The following GPC6 variants were observed in gnomAD, a reference collection of about 807,000 sequenced individuals.
GPC6 encodes the protein glypican-6.
A neutral mutation model predicts 55.2 loss-of-function variants in GPC6; 14 were observed. The ratio of observed to expected loss-of-function variants is 0.25; its 90% CI spans 0.17 to 0.40. The LOEUF (loss-of-function observed/expected upper bound fraction) is 0.40, where lower values mean the gene tolerates loss of function less well. Among genes scored for constraint, GPC6 ranks in the 10% least tolerant of loss-of-function variants. GPC6 has a pLI of 1.00. For synonymous variants in GPC6, 278 were observed against 259.6 expected (o/e 1.07, Z -0.68); for missense variants, 641 against 708.5 (o/e 0.90, Z 1.08).
intron 4 of GPC6, among the ~76,000 whole-genome samples, chr13:94,253,886 T>C (rs1891429928): frequency 6.6e-6 from 1 of 152,162 alleles, no homozygotes; most frequent in South Asian, 2.1e-4. Flanking sequence ...ATTAGATTGA[T>C]GTATGTACAT....
intron 3 of GPC6, among the ~76,000 whole-genome samples, chr13:93,840,711 A>G (rs1279004536): frequency 6.6e-6 from 1 of 152,054 alleles, no homozygotes; most frequent in African/African-American, 2.4e-5. Context: ...CTGTTTGCCT[A>G]TCCCCCTCAA....
At chr13:94,086,761 G>A (rs1018042192) in intron 4 of GPC6, among the ~76,000 whole-genome samples, 1 of 151,932 alleles carries the variant, frequency 6.6e-6, no homozygotes, top group Non-Finnish European at 1.5e-5. Context: ...AACACCACTA[G>A]AAAACCAAAA....
At chr13:94,019,820 C>T (rs1882629014) in intron 3 of GPC6, among the ~76,000 whole-genome samples, 1 of 152,176 alleles carries the variant, frequency 6.6e-6, no homozygotes, top group Non-Finnish European at 1.5e-5. Flanking sequence ...CTGTTCATAG[C>T]ATTTTTATAT....
At chr13:94,392,723 CTTGGTCAGGCTGGTCTCGAACT>C (rs1566752873) in intron 7 of GPC6, among the ~76,000 whole-genome samples, 14 of 29,974 alleles carry the variant, frequency 4.7e-4, no homozygotes, top group Non-Finnish European at 6.6e-4. Context: ...GATCCACCCT[CTTGGTCAGGCTGGTCTCGAACT>C]CTCGACCTCA....
In GPC6 at chr13:94,069,656, C is replaced by T. The variant is rs148472786; in HGVS notation, c.877+41762C>T. Reference sequence around the variant, plus strand: ...GCTTAGATATTTCTTCTGCCAGATACGCTAAGTCTTCTCTCTCAAGTTCAA... The same window carrying T: ...GCTTAGATATTTCTTCTGCCAGATATGCTAAGTCTTCTCTCTCAAGTTCAA... On this transcript the variant is annotated intron_variant, in intron 4 of 8. Transcript: ENST00000377047. 3.9e-4 allele frequency among the ~76,000 whole-genome samples: 59 copies of T among 152,252 alleles called. No individual in the cohort carries two copies. The East Asian group carries it at 6.6e-3, about 17-fold the overall frequency.
intron 4 of GPC6, among the ~76,000 whole-genome samples, chr13:94,249,565 C>T (rs886076775): frequency 6.6e-6 from 1 of 152,082 alleles, no homozygotes; most frequent in African/African-American, 2.4e-5. Flanking sequence ...CACAAAACCC[C>T]TCTGAAAAGA....
intron 3 of GPC6, among the ~76,000 whole-genome samples, chr13:93,898,146 C>T (rs939670662): frequency 7.9e-5 from 12 of 152,104 alleles, no homozygotes; most frequent in African/African-American, 2.9e-4. Context: ...AGATTAGTGA[C>T]TGGCTTATTG....
At chr13:94,260,690 C>A (rs1056758689) in intron 4 of GPC6, among the ~76,000 whole-genome samples, 1 of 152,016 alleles carries the variant, frequency 6.6e-6, no homozygotes, top group Admixed American at 6.6e-5. Flanking sequence ...AGAAAAGAGC[C>A]CACAGCCACA....
chr13:94,382,621 A>T (rs1055249727), intron 7 of GPC6, 71 bp downstream of exon 7: 22 of 1,590,130 alleles, frequency 1.4e-5, no homozygotes, highest in Non-Finnish European at 1.7e-5. Context: ...TCCTGGCACA[A>T]CTCTACAAAC....
intron 1 of GPC6, among the ~76,000 whole-genome samples, chr13:93,303,660 G>A (rs1313943992): frequency 6.6e-6 from 1 of 151,960 alleles, no homozygotes; most frequent in Non-Finnish European, 1.5e-5. Flanking sequence ...TAAAATGGAT[G>A]AATTACATAC....
chr13:93,470,783 T>G (rs939524315), intron 1 of GPC6, among the ~76,000 whole-genome samples: 26 of 152,276 alleles, frequency 1.7e-4, no homozygotes, highest in African/African-American at 5.5e-4. Flanking sequence ...GATTTCTTTT[T>G]CAAAATTTCC....
At chr13:94,154,530 A>G (rs1446872479) in intron 4 of GPC6, 6 of 152,214 alleles carry the variant, frequency 3.9e-5, no homozygotes, top group Non-Finnish European at 1.5e-5. Flanking sequence ...AACATGTACC[A>G]TGTGACTGCA....
intron 2 of GPC6, among the ~76,000 whole-genome samples, chr13:93,630,891 G>A (rs948229855): frequency 2.0e-5 from 3 of 152,116 alleles, no homozygotes; most frequent in African/African-American, 7.2e-5. Flanking sequence ...CTCAGAGTGT[G>A]ACTGTATTTG....
At chr13:93,301,790 T>C (rs1202464450) in intron 1 of GPC6, among the ~76,000 whole-genome samples, 1 of 152,162 alleles carries the variant, frequency 6.6e-6, no homozygotes, top group African/African-American at 2.4e-5. Context: ...AAGACATGCC[T>C]TGACTAGTGG....
intron 3 of GPC6, among the ~76,000 whole-genome samples, chr13:93,853,261 C>A (rs1161326767): frequency 6.6e-6 from 1 of 151,664 alleles, no homozygotes; most frequent in Non-Finnish European, 1.5e-5. Context: ...TATATGTAAT[C>A]TTTTCTTCTT....
At chr13:94,202,334 T>C (rs1164422831) in intron 4 of GPC6, among the ~76,000 whole-genome samples, 1 of 152,216 alleles carries the variant, frequency 6.6e-6, no homozygotes, top group Non-Finnish European at 1.5e-5. Context: ...AAGACATACC[T>C]GAGACTGGGT....
intron 4 of GPC6, among the ~76,000 whole-genome samples, chr13:94,137,811 T>TA (rs1887239551): frequency 6.6e-6 from 1 of 152,142 alleles, no homozygotes; most frequent in Non-Finnish European, 1.5e-5. Context: ...ACAGTAGTGC[T>TA]AGGGGACTTG....
intron 1 of GPC6, among the ~76,000 whole-genome samples, chr13:93,244,991 A>G (rs1344216249): frequency 6.6e-6 from 1 of 152,204 alleles, no homozygotes; most frequent in African/African-American, 2.4e-5. Context: ...TGAGAAATTG[A>G]GAGAAACTGC....
At chr13:93,551,992 T>A (rs184954846) in intron 2 of GPC6, among the ~76,000 whole-genome samples, 1 of 152,284 alleles carries the variant, frequency 6.6e-6, no homozygotes, top group East Asian at 1.9e-4. Context: ...TTTCTGTGGA[T>A]TGTGCTGCGG....
Sources: gnomAD v4.1 joint callset for allele counts (sites outside exome capture counted in the v4.1 genomes callset) on GRCh38, gnomAD v4.1.1 for gene constraint, MANE v1.5 for transcripts, NCBI Gene and HGNC (gene_info 2026-07-23, HGNC 2026-07-21) for gene names.